Variants in ATP8A2 observed in about 807,000 individuals in gnomAD.
ATP8A2 encodes phospholipid-transporting ATPase IB.
ATP8A2 carries 100 observed loss-of-function variants against 165.6 expected under a neutral mutation model. The observed-to-expected ratio is 0.60, with a 90% CI of 0.51 to 0.71. The LOEUF is 0.71. Among genes scored for constraint, ATP8A2 ranks in the 30% least tolerant of loss-of-function variants. The pLI, the probability that ATP8A2 is intolerant of heterozygous loss-of-function variation, is 0.00. For missense variants in ATP8A2, 1,227 were observed against 1,479.5 expected (o/e 0.83, Z 2.80); for synonymous variants, 543 against 548.8 (o/e 0.99, Z 0.15).
chr13:25,509,182 T>C (rs1380791003), intron 2 of ATP8A2, among the ~76,000 whole-genome samples: 1 of 152,124 alleles, frequency 6.6e-6, no homozygotes, highest in African/African-American at 2.4e-5. Context: ...AGTATGTGAG[T>C]CATATTGGAG....
chr13:25,509,563 T>C (rs984365569), intron 2 of ATP8A2, among the ~76,000 whole-genome samples: 3 of 152,152 alleles, frequency 2.0e-5, no homozygotes, highest in African/African-American at 7.2e-5. Context: ...TCAGCCTTCA[T>C]GAATGTGTAA....
intron 29 of ATP8A2, among the ~76,000 whole-genome samples, chr13:25,838,339 G>A (rs1951672963): frequency 6.6e-6 from 1 of 152,150 alleles, no homozygotes; most frequent in Admixed American, 6.5e-5. Context: ...AAACAGAAGG[G>A]CTCCTTATTG....
At chr13:25,794,949 G>A (rs866580778) in intron 27 of ATP8A2, among the ~76,000 whole-genome samples, 34 of 151,756 alleles carry the variant, frequency 2.2e-4, no homozygotes, top group African/African-American at 7.5e-4. Flanking sequence ...TCATGCACAA[G>A]TGTCAGCCTC....
At chr13:25,987,464 G>T (rs1448688918) in intron 35 of ATP8A2, among the ~76,000 whole-genome samples, 1 of 152,226 alleles carries the variant, frequency 6.6e-6, no homozygotes, top group Admixed American at 6.5e-5. Flanking sequence ...TTCTTGACCT[G>T]TGAAGGACCA....
At chr13:25,619,635 A>G (rs2040918275) in intron 24 of ATP8A2, among the ~76,000 whole-genome samples, 1 of 152,206 alleles carries the variant, frequency 6.6e-6, no homozygotes, top group Non-Finnish European at 1.5e-5. Context: ...TGGAAATGAA[A>G]AATATCACAA....
At chr13:25,833,574 C>A (rs1951531360) in intron 28 of ATP8A2, among the ~76,000 whole-genome samples, 1 of 152,018 alleles carries the variant, frequency 6.6e-6, no homozygotes, top group South Asian at 2.1e-4. Flanking sequence ...ATTTGATTAG[C>A]CTTAAAGGTG....
rs1566224878 is a variant in ATP8A2, at chr13:25,528,804, TATGCAACATGTGTATGCAC to T, written c.222-1193_222-1175del. 5.8e-3 allele frequency among the ~76,000 whole-genome samples: 504 copies of T among 86,632 alleles called. 25 individuals are homozygous for T. Among genetic ancestry groups the T allele is most frequent in the African/African-American group, 0.015 (435 of 28,512 alleles). The allele number at this position is 86,632 out of a possible 152,430, so 56.8% of individuals were successfully genotyped here. ...CATATGCAACATGTGTATGCACACA[TATGCAACATGTGTATGCAC>T]ACATATGCAACATGTGTATGCACAC... On this transcript the variant is annotated intron_variant, in intron 2 of 36. Coordinates refer to ENST00000381655, the MANE Select transcript of ATP8A2 (RefSeq NM_016529.6).
chr13:25,465,994 A>G (rs972843700), intron 1 of ATP8A2, among the ~76,000 whole-genome samples: 1 of 151,508 alleles, frequency 6.6e-6, no homozygotes, highest in African/African-American at 2.4e-5. Context: ...TCATGCTTTT[A>G]TCATCTTGCT....
intron 35 of ATP8A2, among the ~76,000 whole-genome samples, chr13:25,982,360 A>G (rs963626437): frequency 3.3e-5 from 5 of 152,230 alleles, no homozygotes; most frequent in Non-Finnish European, 7.3e-5. Flanking sequence ...TGCTTTTCAC[A>G]TGACGCAGAA....
chr13:25,492,456 G>GA (rs1472214123), intron 2 of ATP8A2, among the ~76,000 whole-genome samples: 1 of 152,186 alleles, frequency 6.6e-6, no homozygotes, highest in African/African-American at 2.4e-5. Flanking sequence ...GCCACATAGA[G>GA]AAGGGGGCTG....
At chr13:25,422,443 A>T (rs2034327772) in intron 1 of ATP8A2, among the ~76,000 whole-genome samples, 1 of 152,200 alleles carries the variant, frequency 6.6e-6, no homozygotes, top group Admixed American at 6.5e-5. Context: ...AATGAGTTAA[A>T]ATCCCCGTTG....
At chr13:25,899,175 C>G (rs1205413650) in intron 33 of ATP8A2, among the ~76,000 whole-genome samples, 2 of 152,210 alleles carry the variant, frequency 1.3e-5, no homozygotes. Context: ...TTGGCTCCAC[C>G]CCAAGTCCAG....
At chr13:26,006,589 G>C (rs1371110565) in intron 35 of ATP8A2, among the ~76,000 whole-genome samples, 1 of 151,900 alleles carries the variant, frequency 6.6e-6, no homozygotes, top group African/African-American at 2.4e-5. Context: ...TCTTCTTCTT[G>C]AACATGGAAA....
At chr13:25,571,822 CTG>C (rs2138184079) in intron 18 of ATP8A2, 130 bp downstream of exon 18, 1 of 836,324 alleles carries the variant, frequency 1.2e-6, no homozygotes, top group South Asian at 1.4e-5. Flanking sequence ...CTGTGACAAA[CTG>C]GAGTTAATGT....
At chr13:25,571,441 C>G (rs1036756512) in intron 17 of ATP8A2, among the ~76,000 whole-genome samples, 169 bp from the exon 18 acceptor site, 1 of 152,154 alleles carries the variant, frequency 6.6e-6, no homozygotes, top group Admixed American at 6.5e-5. Flanking sequence ...ATTTCAGAAC[C>G]CTGGTGGTAG....
intron 34 of ATP8A2, among the ~76,000 whole-genome samples, chr13:25,967,327 T>C (rs1483918194): frequency 2.0e-5 from 3 of 152,142 alleles, no homozygotes; most frequent in Non-Finnish European, 2.9e-5. Context: ...CTTGTTTACT[T>C]TGGGGGAAAG....
At chr13:25,562,803 A>AT (rs148765562) in intron 15 of ATP8A2, among the ~76,000 whole-genome samples, 96 of 151,300 alleles carry the variant, frequency 6.3e-4, no homozygotes, top group African/African-American at 1.8e-3. Flanking sequence ...AAAGATAAGC[A>AT]TTTTTTTTTC....
intron 24 of ATP8A2, chr13:25,649,060 TTTC>T (rs2041748875): frequency 2.0e-6 from 1 of 500,930 alleles, no homozygotes; most frequent in African/African-American, 1.9e-5. Flanking sequence ...GATGTCATGA[TTTC>T]TTCCTGAGTC....
intron 33 of ATP8A2, among the ~76,000 whole-genome samples, chr13:25,924,881 T>A (rs1052802069): frequency 5.9e-5 from 9 of 152,140 alleles, no homozygotes; most frequent in Non-Finnish European, 1.2e-4. Flanking sequence ...CTGCACACAC[T>A]CTCTTGACTG....
Sources: allele counts gnomAD v4.1 joint callset (sites outside exome capture counted in the v4.1 genomes callset), GRCh38; gene constraint gnomAD v4.1.1; transcripts MANE v1.5; gene names NCBI Gene and HGNC (gene_info 2026-07-23, HGNC 2026-07-21).